Variants in PCBP3 observed in about 807,000 individuals in gnomAD.
The protein encoded by PCBP3 is poly(rC)-binding protein 3.
In PCBP3, 25 loss-of-function variants were observed where a neutral mutation model predicts 52.7. The ratio of observed to expected loss-of-function variants is 0.47; its 90% CI spans 0.35 to 0.66. PCBP3 has a LOEUF of 0.66. Among genes scored for constraint, PCBP3 ranks in the 30% least tolerant of loss-of-function variants. PCBP3 has a pLI of 0.01. For synonymous variants in PCBP3, 162 were observed against 183.0 expected (o/e 0.89, Z 0.93); for missense variants, 391 against 490.3 (o/e 0.80, Z 1.91).
chr21:45,690,948 G>A (rs2082424749), intron 2 of PCBP3, among the ~76,000 whole-genome samples: 1 of 152,116 alleles, frequency 6.6e-6, no homozygotes, highest in Admixed American at 6.5e-5. Flanking sequence ...AAAACAGTTT[G>A]ACAGATCCTT....
chr21:45,794,769 A>G (rs1417661611), intron 4 of PCBP3, among the ~76,000 whole-genome samples: 1 of 152,128 alleles, frequency 6.6e-6, no homozygotes, highest in African/African-American at 2.4e-5. Context: ...CTCTACTAAA[A>G]ATACACAGAA....
chr21:45,893,675 G>A (rs2095746542), intron 5 of PCBP3: 2 of 888,546 alleles, frequency 2.3e-6, no homozygotes, highest in East Asian at 1.2e-4. Flanking sequence ...CCTTCTCCCT[G>A]TCCCATTGCA....
At chr21:45,767,509 G>A (rs2089458354) in intron 4 of PCBP3, among the ~76,000 whole-genome samples, 1 of 152,136 alleles carries the variant, frequency 6.6e-6, no homozygotes, top group African/African-American at 2.4e-5. Context: ...TCTTTTACAA[G>A]TTTTTGTTTG....
chr21:45,925,703 AAAAC>A (rs2075311425), intron 13 of PCBP3, among the ~76,000 whole-genome samples: 1 of 152,266 alleles, frequency 6.6e-6, no homozygotes, highest in Non-Finnish European at 1.5e-5. Flanking sequence ...TAGGGGGAAA[AAAAC>A]AAGACTTTAA....
chr21:45,654,489 C>T lies in PCBP3; in HGVS notation c.-279+10621C>T, dbSNP rs982425351. ...CCCAGTAGCTGGGACTACAGGTGCA[C>T]GCCACCACGCCCAGCTAATTTTTGT... On this transcript the variant is annotated intron_variant, in intron 1 of 17. Transcript: ENST00000681687. Among the ~76,000 whole-genome samples, 4 of 151,956 alleles carry T rather than the reference C, an allele frequency of 2.6e-5. No homozygotes were observed. The South Asian group carries it at 6.2e-4, about 24-fold the overall frequency.
chr21:45,723,455 G>T lies in PCBP3; in HGVS notation c.-199-11937G>T, dbSNP rs2084807787. ...TTCAGAAAAGGGTTAAGTAAAAATAGTGAATTTTAAAATTTTAATAAGTTC... is the reference window on the plus strand; with the variant it reads ...TTCAGAAAAGGGTTAAGTAAAAATATTGAATTTTAAAATTTTAATAAGTTC... On this transcript the variant is annotated intron_variant, in intron 2 of 17. Coordinates refer to ENST00000681687, the MANE Select transcript of PCBP3 (RefSeq NM_001384156.1). 2.0e-5 allele frequency among the ~76,000 whole-genome samples: 3 copies of T among 152,322 alleles called. No homozygotes were observed. The South Asian group carries it at 6.2e-4, about 32-fold the overall frequency.
intron 4 of PCBP3, among the ~76,000 whole-genome samples, chr21:45,844,931 C>CAT (rs1233273654): frequency 4.7e-5 from 7 of 149,492 alleles, no homozygotes; most frequent in Admixed American, 3.3e-4. Flanking sequence ...ATATAGTTTA[C>CAT]ATATATATAT....
intron 4 of PCBP3, among the ~76,000 whole-genome samples, chr21:45,797,642 T>G: frequency 6.6e-6 from 1 of 152,206 alleles, no homozygotes. Context: ...AGTGAATGCA[T>G]GGATGGATAA....
intron 4 of PCBP3, among the ~76,000 whole-genome samples, chr21:45,814,752 AGTGAGTGGTGAGTG>A (rs1202276387): frequency 5.0e-4 from 44 of 88,118 alleles, no homozygotes; most frequent in Admixed American, 8.3e-4. Context: ...GTGAGTGATG[AGTGAGTGGTGAGTG>A]GTGAGTGGTG....
chr21:45,739,849 C>A (rs2086287306), intron 3 of PCBP3, among the ~76,000 whole-genome samples: 1 of 152,236 alleles, frequency 6.6e-6, no homozygotes, highest in Admixed American at 6.5e-5. Flanking sequence ...CACTGTCACA[C>A]ACACTCTCTT....
intron 4 of PCBP3, among the ~76,000 whole-genome samples, chr21:45,779,430 C>T (rs541772132): frequency 1.5e-4 from 23 of 152,254 alleles, no homozygotes; most frequent in African/African-American, 5.3e-4. Flanking sequence ...GCAGGCTCCC[C>T]CTCTTCCTTT....
At chr21:45,655,788 A>G (rs2079978589) in intron 1 of PCBP3, among the ~76,000 whole-genome samples, 1 of 152,234 alleles carries the variant, frequency 6.6e-6, no homozygotes, top group South Asian at 2.1e-4. Flanking sequence ...TCCAGAGCCT[A>G]CAAAGTACTT....
intron 2 of PCBP3, among the ~76,000 whole-genome samples, chr21:45,685,958 G>A (rs193162646): frequency 2.0e-4 from 28 of 138,738 alleles, no homozygotes; most frequent in Admixed American, 1.7e-3. Flanking sequence ...TTACTCTGTC[G>A]CTCAGGCTGT....
chr21:45,939,974 T>G, intron 16 of PCBP3, 56 bp from the exon 17 acceptor site: 1 of 1,535,220 alleles, frequency 6.5e-7, no homozygotes, highest in South Asian at 1.2e-5. Flanking sequence ...CTGCCCACAG[T>G]CTTCAGGGGC....
At chr21:45,745,982 G>A (rs540018738) in intron 3 of PCBP3, among the ~76,000 whole-genome samples, 21 of 150,472 alleles carry the variant, frequency 1.4e-4, no homozygotes, top group Middle Eastern at 7.1e-3. Flanking sequence ...GTCCATTGAC[G>A]TAGCGCACAC....
intron 5 of PCBP3, among the ~76,000 whole-genome samples, chr21:45,875,103 T>C (rs1334573470): frequency 6.6e-6 from 1 of 152,242 alleles, no homozygotes. Context: ...CCTTCCAGGC[T>C]CCTACCTGGC....
intron 15 of PCBP3, 57 bp from the exon 16 acceptor site, chr21:45,935,196 G>A (rs978412547): frequency 5.9e-6 from 7 of 1,190,898 alleles, no homozygotes; most frequent in Non-Finnish European, 7.5e-6. Flanking sequence ...ACAGGCACTG[G>A]AGTGTGACTG....
chr21:45,892,425 G>A (rs1373216032), intron 5 of PCBP3, among the ~76,000 whole-genome samples: 1 of 97,236 alleles, frequency 1.0e-5, no homozygotes. Flanking sequence ...AGAAAGGGGA[G>A]CTGCAAGTGC....
At chr21:45,894,024 G>T (rs758617388) in intron 5 of PCBP3, 308 of 985,426 alleles carry the variant, frequency 3.1e-4, no homozygotes, top group Non-Finnish European at 3.6e-4. Flanking sequence ...ACGGGTAGGT[G>T]CCTAGGGAGA....
Sources: allele counts gnomAD v4.1 joint callset (sites outside exome capture counted in the v4.1 genomes callset), GRCh38; gene constraint gnomAD v4.1.1; transcripts MANE v1.5; gene names NCBI Gene and HGNC (gene_info 2026-07-23, HGNC 2026-07-21).